BRINP3: variants seen among roughly 807,000 people sequenced by gnomAD.
The protein encoded by BRINP3 is BMP/retinoic acid-inducible neural-specific protein 3.
A neutral mutation model predicts 71.0 loss-of-function variants in BRINP3; 19 were observed. The observed-to-expected ratio is 0.27, with a 90% CI of 0.19 to 0.39. The LOEUF is 0.39. BRINP3 is among the 10% of genes least tolerant of loss of function. The pLI is 1.00. For missense variants in BRINP3, 959 were observed against 940.8 expected (o/e 1.02, Z -0.25); for synonymous variants, 380 against 337.7 (o/e 1.13, Z -1.37).
intron 4 of BRINP3, among the ~76,000 whole-genome samples, chr1:190,248,055 ATGGTTTCTTTTTTATTC>A (rs1659773077): frequency 1.3e-5 from 2 of 151,670 alleles, no homozygotes; most frequent in Admixed American, 1.3e-4. Flanking sequence ...CCCTCTTTGC[ATGGTTTCTTTTTTATTC>A]TGGTTTCAGA....
chr1:190,104,499 C>T (rs923639697), intron 7 of BRINP3, among the ~76,000 whole-genome samples: 1 of 151,996 alleles, frequency 6.6e-6, no homozygotes. Context: ...TTATTATAGC[C>T]ACTTTTTTTT....
chr1:190,102,272 C>T (rs1057256614), intron 7 of BRINP3, among the ~76,000 whole-genome samples: 2 of 152,102 alleles, frequency 1.3e-5, no homozygotes, highest in Middle Eastern at 3.4e-3. Context: ...ATAGGTGGTT[C>T]CCCCACCCAA....
chr1:190,235,468 C>G (rs1045134336), intron 4 of BRINP3, among the ~76,000 whole-genome samples: 15 of 152,018 alleles, frequency 9.9e-5, no homozygotes, highest in Admixed American at 9.8e-4. Flanking sequence ...TAGATAACTT[C>G]ATTCCAATGT....
At chr1:190,335,404 A>T (rs1010953911) in intron 2 of BRINP3, among the ~76,000 whole-genome samples, 1 of 151,880 alleles carries the variant, frequency 6.6e-6, no homozygotes, top group East Asian at 1.9e-4. Flanking sequence ...TAATAGGATG[A>T]TGTCTTTATT....
At chr1:190,201,729 C>T (rs1003225540) in intron 6 of BRINP3, among the ~76,000 whole-genome samples, 7 of 151,570 alleles carry the variant, frequency 4.6e-5, no homozygotes, top group East Asian at 3.9e-4. Context: ...GAATTCGGAA[C>T]GTGGCTTCAA....
Position 190,185,612 on chromosome 1 carries a change from G to C in BRINP3, c.962-24722C>G, listed in dbSNP as rs16832174. 4.0e-3 allele frequency among the ~76,000 whole-genome samples: 615 copies of C among 152,166 alleles called. 6 individuals are homozygous for C. Among genetic ancestry groups the C allele is most frequent in the African/African-American group, 0.014 (588 of 41,538 alleles). On this transcript the variant is annotated intron_variant, in intron 6 of 7. Coordinates refer to ENST00000367462, the MANE Select transcript of BRINP3 (RefSeq NM_199051.3). Reference sequence around the variant, plus strand: ...AGTTATAATTGCATAGATTACAAAGGTGCAAAATTAGTAGAAATAATGTAG... The same window carrying C: ...AGTTATAATTGCATAGATTACAAAGCTGCAAAATTAGTAGAAATAATGTAG...
intron 7 of BRINP3, among the ~76,000 whole-genome samples, chr1:190,106,125 T>C (rs1226705463): frequency 6.6e-6 from 1 of 151,938 alleles, no homozygotes; most frequent in Non-Finnish European, 1.5e-5. Context: ...ATTCTGCAAA[T>C]AGGAGCCATC....
At chr1:190,194,066 A>AT in intron 6 of BRINP3, among the ~76,000 whole-genome samples, 1 of 152,182 alleles carries the variant, frequency 6.6e-6, no homozygotes, top group East Asian at 1.9e-4. Flanking sequence ...GTTCAAAGCA[A>AT]TTTTTTTCCT....
chr1:190,222,152 T>A (rs1656949166), intron 6 of BRINP3, among the ~76,000 whole-genome samples: 1 of 152,000 alleles, frequency 6.6e-6, no homozygotes, highest in Admixed American at 6.6e-5. Flanking sequence ...TTCTTCAGAA[T>A]AGGTCATATC....
intron 7 of BRINP3, among the ~76,000 whole-genome samples, chr1:190,150,620 C>T (rs1288934430): frequency 6.6e-6 from 1 of 152,118 alleles, no homozygotes; most frequent in East Asian, 1.9e-4. Context: ...TTAGGACAAG[C>T]ATCTACATAT....
rs1457693480 is a variant in BRINP3 at position 190,232,156 on chromosome 1, CA to C, written c.724+2215del. Among the ~76,000 whole-genome samples, 6 of 152,048 alleles carry C rather than the reference CA, an allele frequency of 3.9e-5. No individual in the cohort carries two copies. In the East Asian group the frequency reaches 1.2e-3, roughly 29 times the overall value. ...TCTATACCTATATCCATCCATTTATCAGACCAAATATCTAACTAGCTAACCC... is the reference window on the plus strand; with the variant it reads ...TCTATACCTATATCCATCCATTTATCGACCAAATATCTAACTAGCTAACCC... On this transcript the variant is annotated intron_variant, in intron 5 of 7. Coordinates refer to ENST00000367462, the MANE Select transcript of BRINP3 (RefSeq NM_199051.3).
chr1:190,363,874 T>C (rs1669314701), intron 2 of BRINP3, among the ~76,000 whole-genome samples: 1 of 152,136 alleles, frequency 6.6e-6, no homozygotes, highest in Non-Finnish European at 1.5e-5. Context: ...ATGTCCCGAA[T>C]GATGGGCTGC....
At chr1:190,442,908 T>C (rs1674928150) in intron 2 of BRINP3, among the ~76,000 whole-genome samples, 1 of 141,356 alleles carries the variant, frequency 7.1e-6, no homozygotes, top group Admixed American at 7.1e-5. Flanking sequence ...CTCTGTATCT[T>C]TTTTTTTTTT....
intron 2 of BRINP3, among the ~76,000 whole-genome samples, chr1:190,403,200 T>G (rs1235959510): frequency 2.0e-5 from 3 of 152,222 alleles, no homozygotes; most frequent in Non-Finnish European, 4.4e-5. Flanking sequence ...TGGAAACTTA[T>G]TTAATATTGT....
At chr1:190,328,537 A>T (rs1462784636) in intron 2 of BRINP3, among the ~76,000 whole-genome samples, 2 of 152,000 alleles carry the variant, frequency 1.3e-5, no homozygotes, top group East Asian at 3.9e-4. Flanking sequence ...AAATTGAATC[A>T]TTACCAACTG....
chr1:190,367,987 G>A (rs1669616645), intron 2 of BRINP3, among the ~76,000 whole-genome samples: 1 of 152,050 alleles, frequency 6.6e-6, no homozygotes, highest in South Asian at 2.1e-4. Flanking sequence ...CCTCCAAACT[G>A]TTTCAACCTC....
chr1:190,434,729 CT>C (rs67804989), intron 2 of BRINP3, among the ~76,000 whole-genome samples: 29,518 of 151,926 alleles, frequency 0.19, 2,954 homozygotes, highest in African/African-American at 0.24. Flanking sequence ...GTGTCAGTTC[CT>C]GGAATATGAA....
intron 2 of BRINP3, among the ~76,000 whole-genome samples, chr1:190,282,241 T>C (rs1431447211): frequency 6.6e-6 from 1 of 150,796 alleles, no homozygotes; most frequent in Non-Finnish European, 1.5e-5. Flanking sequence ...AAGAAATCAG[T>C]TTTCTTCTTT....
chr1:190,127,972 A>G (rs1344747273), intron 7 of BRINP3, among the ~76,000 whole-genome samples: 1 of 151,810 alleles, frequency 6.6e-6, no homozygotes, highest in Non-Finnish European at 1.5e-5. Context: ...AGAGTGATTC[A>G]TTGAGTCAAA....
Sources: gnomAD v4.1 joint callset for allele counts (sites outside exome capture counted in the v4.1 genomes callset) on GRCh38, gnomAD v4.1.1 for gene constraint, MANE v1.5 for transcripts, NCBI Gene and HGNC (gene_info 2026-07-23, HGNC 2026-07-21) for gene names.